Variants in CCNY observed in about 807,000 individuals in gnomAD.
CCNY encodes cyclin-Y.
Under a neutral mutation model 42.8 loss-of-function variants are expected in CCNY, and 19 were observed. The ratio of observed to expected loss-of-function variants is 0.44; its 90% CI spans 0.31 to 0.65. The LOEUF is 0.65. Ranked by LOEUF, CCNY falls within the 30% of genes least tolerant of loss-of-function variation. The pLI is 0.07. For synonymous variants in CCNY, 165 were observed against 162.7 expected, an observed-to-expected ratio of 1.01 and a Z score of -0.11; for missense variants, 370 against 437.3, an observed-to-expected ratio of 0.85 and a Z score of 1.37.
chr10:35,549,664 C>G (rs1841204432), intron 7 of CCNY, among the ~76,000 whole-genome samples: 1 of 145,684 alleles, frequency 6.9e-6, no homozygotes, highest in African/African-American at 2.6e-5. Context: ...GGCCCATGAC[C>G]CTACACTGTT....
intron 1 of CCNY, among the ~76,000 whole-genome samples, chr10:35,412,222 A>G (rs895580990): frequency 6.6e-6 from 1 of 152,222 alleles, no homozygotes; most frequent in African/African-American, 2.4e-5. Flanking sequence ...TAACTTCGTT[A>G]CAGGGAGGGA....
chr10:35,370,649 G>T (rs1836912291), intron 1 of CCNY, among the ~76,000 whole-genome samples: 1 of 151,866 alleles, frequency 6.6e-6, no homozygotes, highest in Non-Finnish European at 1.5e-5. Context: ...AGTGTGAAGT[G>T]CCTTATATTT....
chr10:35,389,925 A>C (rs1013295853), intron 1 of CCNY, among the ~76,000 whole-genome samples: 6 of 152,222 alleles, frequency 3.9e-5, no homozygotes, highest in Admixed American at 1.3e-4. Context: ...GAACAAAATG[A>C]ACAAAGTGAA....
chr10:35,308,765 C>G (rs936818251), intron 3 of CCNY, among the ~76,000 whole-genome samples: 1 of 152,150 alleles, frequency 6.6e-6, no homozygotes, highest in Admixed American at 6.6e-5. Context: ...AAGGAAGTAG[C>G]AGCCATGCGG....
At chr10:35,557,761 T>C (rs904257802) in intron 8 of CCNY, among the ~76,000 whole-genome samples, 1 of 151,904 alleles carries the variant, frequency 6.6e-6, no homozygotes, top group East Asian at 1.9e-4. Context: ...ATTTTATATT[T>C]AAAAAAAAGT....
At chr10:35,515,338 T>A (rs1427703150) in intron 3 of CCNY, among the ~76,000 whole-genome samples, 1 of 152,246 alleles carries the variant, frequency 6.6e-6, no homozygotes, top group Non-Finnish European at 1.5e-5. Flanking sequence ...AAGAAGTAAC[T>A]AGTATCATTT....
chr10:35,313,777 A>T (rs570209065), intron 3 of CCNY, among the ~76,000 whole-genome samples: 39 of 152,304 alleles, frequency 2.6e-4, no homozygotes, highest in Non-Finnish European at 4.6e-4. Flanking sequence ...GTTTGAGACC[A>T]GCCTGGGCAA....
chr10:35,562,310 A>G (rs1349147434), intron 8 of CCNY, among the ~76,000 whole-genome samples: 1 of 152,164 alleles, frequency 6.6e-6, no homozygotes, highest in African/African-American at 2.4e-5. Context: ...ATTGTAGTAA[A>G]ATGTATGTAG....
chr10:35,479,668 TTAG>T (rs1410554733), intron 1 of CCNY, among the ~76,000 whole-genome samples: 1 of 147,914 alleles, frequency 6.8e-6, no homozygotes, highest in Non-Finnish European at 1.5e-5. Flanking sequence ...AGATGACGAG[TTAG>T]TGGGTGCAGC....
intron 3 of CCNY, among the ~76,000 whole-genome samples, chr10:35,297,154 T>C (rs922526687): frequency 2.8e-5 from 4 of 142,936 alleles, no homozygotes; most frequent in African/African-American, 1.0e-4. Context: ...AATACACAAA[T>C]AAAAAAAGAA....
At chr10:35,362,655 A>C (rs1487502397) in intron 1 of CCNY, among the ~76,000 whole-genome samples, 1 of 152,198 alleles carries the variant, frequency 6.6e-6, no homozygotes, top group African/African-American at 2.4e-5. Context: ...AACTTTGGAG[A>C]GGGCAGAAAG....
rs1037420032 is a variant in CCNY, at chr10:35,392,476, G to A, written c.154+55269G>A. Among the ~76,000 whole-genome samples the A allele has an allele frequency of 3.9e-5, 6 of 152,192 alleles. No homozygotes were observed. The East Asian group carries it at 9.6e-4, about 24-fold the overall frequency. On this transcript the variant is annotated intron_variant, in intron 1 of 9. Transcript: ENST00000374704. ...AGAGAGAATGTCCCGTGGACTCATT[G>A]AGGATGAGGAGGTCCAGTCCTGCTG...
intron 7 of CCNY, among the ~76,000 whole-genome samples, chr10:35,535,299 T>C (rs1358524545): frequency 2.6e-5 from 4 of 151,982 alleles, no homozygotes; most frequent in African/African-American, 9.7e-5. Flanking sequence ...AACAGTAGTC[T>C]CTAGATGTTC....
chr10:35,529,749 A>G (rs2135422814), intron 5 of CCNY, among the ~76,000 whole-genome samples: 1 of 152,088 alleles, frequency 6.6e-6, no homozygotes, highest in African/African-American at 2.4e-5. Flanking sequence ...GTGTGCCTGT[A>G]ATCCCAGCTA....
At chr10:35,549,250 G>C (rs1841190037) in intron 7 of CCNY, among the ~76,000 whole-genome samples, 1 of 152,128 alleles carries the variant, frequency 6.6e-6, no homozygotes, top group Non-Finnish European at 1.5e-5. Flanking sequence ...TGGTTGCTTT[G>C]GGGAGCATTA....
At chr10:35,438,191 C>T (rs1237818113) in intron 1 of CCNY, among the ~76,000 whole-genome samples, 1 of 151,140 alleles carries the variant, frequency 6.6e-6, no homozygotes, top group Non-Finnish European at 1.5e-5. Flanking sequence ...TTCTGTTTCC[C>T]AGGCTGGAGT....
intron 3 of CCNY, among the ~76,000 whole-genome samples, chr10:35,276,144 G>C (rs1050343544): frequency 6.6e-6 from 1 of 152,174 alleles, no homozygotes. Flanking sequence ...ACAAGGGATC[G>C]TGACTTACTG....
At chr10:35,379,085 C>A (rs992186031) in intron 1 of CCNY, among the ~76,000 whole-genome samples, 5 of 152,202 alleles carry the variant, frequency 3.3e-5, no homozygotes, top group African/African-American at 1.2e-4. Context: ...GATGGACCCA[C>A]ACAAAGTTTG....
In CCNY at chr10:35,570,415, A is replaced by G. The variant is rs1348990053; in HGVS notation, c.*1245A>G. Reference sequence around the variant, plus strand: ...TGTGAAGGTTTATGCTTCATTAATTATGACCATACTTTTTCATTTTCTGAC... The same window carrying G: ...TGTGAAGGTTTATGCTTCATTAATTGTGACCATACTTTTTCATTTTCTGAC... On this transcript the variant is annotated 3_prime_UTR_variant, in exon 10 of 10. Coordinates refer to ENST00000374704, the MANE Select transcript of CCNY (RefSeq NM_145012.6). The G allele has an allele frequency of 1.3e-5, 2 of 152,334 alleles. No homozygotes were observed. Among genetic ancestry groups the G allele is most frequent in the African/African-American group, 2.4e-5 (1 of 41,444 alleles). 9.4% of individuals were successfully genotyped at this position (152,334 alleles called of 1,614,324 possible). A position where few individuals can be genotyped will look rare whatever the true frequency, so the allele number is the denominator to read the frequency against.
Sources: gnomAD v4.1 joint callset for allele counts (sites outside exome capture counted in the v4.1 genomes callset) on GRCh38, gnomAD v4.1.1 for gene constraint, MANE v1.5 for transcripts, NCBI Gene and HGNC (gene_info 2026-07-23, HGNC 2026-07-21) for gene names.